The following SLC7A7 variants were observed in gnomAD, a reference collection of about 807,000 sequenced individuals.
The protein encoded by SLC7A7 is solute carrier family 7 member 7, also known as Y+L amino acid transporter 1.
A neutral mutation model predicts 47.9 loss-of-function variants in SLC7A7; 39 were observed. The ratio of observed to expected loss-of-function variants is 0.81; its 90% CI spans 0.63 to 1.06. The LOEUF is 1.06. Among genes scored for constraint, SLC7A7 ranks in the 50% least tolerant of loss-of-function variants. The pLI is 0.00. For synonymous variants in SLC7A7, 234 were observed against 242.8 expected, an observed-to-expected ratio of 0.96 and a Z score of 0.34; for missense variants, 588 against 632.0, an observed-to-expected ratio of 0.93 and a Z score of 0.75.
At chr14:22,781,245 C>CT (rs1310899735) in intron 2 of SLC7A7, among the ~76,000 whole-genome samples, 2 of 152,186 alleles carry the variant, frequency 1.3e-5, no homozygotes, top group African/African-American at 2.4e-5. Flanking sequence ...GAAACACCCT[C>CT]TGAGTTCTCC....
intron 4 of SLC7A7, among the ~76,000 whole-genome samples, chr14:22,776,980 CA>C (rs34004476): frequency 4.2e-4 from 59 of 139,766 alleles, no homozygotes; most frequent in South Asian, 1.1e-3. Context: ...AAAAACAAAC[CA>C]AAAAAAAAAA....
rs570542126 is a variant in SLC7A7 at position 22,812,515 on chromosome 14, G to T, written c.499+385C>A. 2.6e-5 allele frequency among the ~76,000 whole-genome samples: 4 copies of T among 151,518 alleles called. No individual in the cohort carries two copies. In the East Asian group the frequency reaches 7.8e-4, roughly 29 times the overall value. On this transcript the variant is annotated intron_variant, in intron 2 of 9. Transcript: ENST00000674313. ...AAGAAAAAAAAATCAGTGTGCCTGT[G>T]GTCCCTGCTACTCAGGAGGCTGAGG...
rs2038694026 is a variant in SLC7A7 at position 22,780,195 on chromosome 14, C to A, written c.500-144G>T. On this transcript the variant is annotated intron_variant, in intron 2 of 9. Coordinates refer to ENST00000674313, the MANE Select transcript of SLC7A7 (RefSeq NM_003982.4). ...CCCTCTGACCTGCTCTGCACTGGAA[C>A]CCTCGGGGCCCCAGAATGTCCTCAC... is the stretch of plus-strand genomic sequence containing the variant. 3.7e-6 allele frequency: 4 copies of A among 1,091,888 alleles called. No homozygotes were observed. The Admixed American group carries it at 6.3e-5, about 17-fold the overall frequency. The allele number at this position is 1,091,888 out of a possible 1,614,324, so 67.6% of individuals were successfully genotyped here.
rs112731447 is a variant in SLC7A7 at position 22,776,456 on chromosome 14, T to G, written c.771-138A>C. ...CTACATTTCCTCAATGCATTTGTCT[T>G]TGACGGTGCCCTGGATAGTGGCTGA... On this transcript the variant is annotated intron_variant, in intron 4 of 9. Coordinates refer to ENST00000674313, the MANE Select transcript of SLC7A7 (RefSeq NM_003982.4). 3.0e-3 allele frequency: 3,415 copies of G among 1,122,980 alleles called. 69 individuals are homozygous for G. In the African/African-American group the frequency reaches 0.046, roughly 15 times the overall value. The allele number at this position is 1,122,980 out of a possible 1,614,324, so 69.6% of individuals were successfully genotyped here.
intron 2 of SLC7A7, among the ~76,000 whole-genome samples, chr14:22,781,057 G>A (rs184473473): frequency 9.2e-5 from 14 of 152,226 alleles, no homozygotes; most frequent in Admixed American, 2.6e-4. Flanking sequence ...GTAGCATAGC[G>A]AATCGCTTCA....
intron 2 of SLC7A7, among the ~76,000 whole-genome samples, chr14:22,789,001 GTATAT>G (rs1250498002): frequency 2.6e-5 from 4 of 152,122 alleles, no homozygotes; most frequent in African/African-American, 9.7e-5. Context: ...TGTTCCTTCT[GTATAT>G]TATATTTGAA....
upstream of SLC7A7, among the ~76,000 whole-genome samples, chr14:22,818,772 T>G (rs1317705231): frequency 6.6e-6 from 1 of 151,742 alleles, no homozygotes; most frequent in African/African-American, 2.4e-5. Flanking sequence ...TTTTGTATTT[T>G]TAGTAGAGAT....
At chr14:22,810,060 A>G in intron 2 of SLC7A7, among the ~76,000 whole-genome samples, 1 of 138,108 alleles carries the variant, frequency 7.2e-6, no homozygotes. Flanking sequence ...AAAAAAAAAA[A>G]AAAGCAGCAA....
rs1225308034 is a variant in SLC7A7, at chr14:22,778,815, C to T, written c.748G>A (p.Glu250Lys). 2 of 1,614,076 alleles carry T rather than the reference C, an allele frequency of 1.2e-6. No homozygotes were observed. Among genetic ancestry groups the T allele is most frequent in the Non-Finnish European group, 1.7e-6 (2 of 1,180,054 alleles). The change falls in exon 4 of 10, where the codon GAA becomes AAA. Residue 250 changes from glutamate to lysine, a missense_variant. Transcript: ENST00000674313. ...SGWDTLNYVT[E>K]EIKNPERNLP... ...TACCTCTCAGGATTCTTGATCTCTT[C>T]AGTGACATAGTTGAGGGTGTCCCAG...
At chr14:22,786,526 C>A (rs2038820320) in intron 2 of SLC7A7, among the ~76,000 whole-genome samples, 1 of 152,174 alleles carries the variant, frequency 6.6e-6, no homozygotes, top group African/African-American at 2.4e-5. Flanking sequence ...CAGAAAACTC[C>A]AGACCGTGTT....
Position 22,812,969 on chromosome 14 carries a change from C to G in SLC7A7, c.430G>C (p.Val144Leu). 6.2e-7 allele frequency: 1 copy of G among 1,613,872 alleles called. No homozygotes were observed. The change falls in exon 2 of 10, where the codon GTA (valine) becomes CTA (leucine). Residue 144 changes from valine to leucine, a missense_variant. Val to Leu is a conservative substitution (Grantham distance 32, BLOSUM62 1). Coordinates refer to ENST00000674313, the MANE Select transcript of SLC7A7 (RefSeq NM_003982.4). ...AAGCAGCTCGGGAAGAGAGGCTGTACCATGTAGTTGGCAAAGGTGATGGCA... is the reference window on the plus strand; with the variant it reads ...AAGCAGCTCGGGAAGAGAGGCTGTAGCATGTAGTTGGCAAAGGTGATGGCA... ...IIAITFANYM[V>L]QPLFPSCFAP...
At chr14:22,783,251 C>T (rs1351297104) in intron 2 of SLC7A7, among the ~76,000 whole-genome samples, 1 of 151,246 alleles carries the variant, frequency 6.6e-6, no homozygotes, top group Non-Finnish European at 1.5e-5. Flanking sequence ...TTTTTAGAGA[C>T]GGGGTCTTGC....
intron 2 of SLC7A7, among the ~76,000 whole-genome samples, chr14:22,806,019 T>C (rs2039196588): frequency 6.8e-6 from 1 of 147,044 alleles, no homozygotes; most frequent in African/African-American, 2.5e-5. Flanking sequence ...CAGGAGCCTG[T>C]AATCCCAGCC....
At position 22,799,814 on chromosome 14, in the gene SLC7A7, C is replaced by G. The variant is rs184723425; in HGVS notation, c.499+13086G>C. Among the ~76,000 whole-genome samples, 80 of 152,120 alleles carry G rather than the reference C, an allele frequency of 5.3e-4. 1 individual carries two copies. Among genetic ancestry groups the G allele is most frequent in the African/African-American group, 1.8e-3 (75 of 41,502 alleles). ...TGACTCCCAAAAGTATATCATCAGC[C>G]CAACTGTCATGATTCTAGATATATA... On this transcript the variant is annotated intron_variant, in intron 2 of 9. Coordinates refer to ENST00000674313, the MANE Select transcript of SLC7A7 (RefSeq NM_003982.4).
chr14:22,773,984 TGAG>T lies in SLC7A7; in HGVS notation c.1375_1377del (p.Leu459del), dbSNP rs762662618. 2.5e-6 allele frequency: 4 copies of T among 1,614,048 alleles called. No individual in the cohort carries two copies. Among genetic ancestry groups the T allele is most frequent in the Non-Finnish European group, 3.4e-6 (4 of 1,179,998 alleles). Reference sequence around the variant, plus strand: ...CGCTTATGTTCTGGCACTCTGATGATGAGGAAGTAAAAGGGCAGGCCTGAGAGG... The same window carrying T: ...CGCTTATGTTCTGGCACTCTGATGATGAAGTAAAAGGGCAGGCCTGAGAGG... On this transcript the variant is annotated inframe_deletion, in exon 9 of 10. Transcript: ENST00000674313.
At chr14:22,777,845 G>A (rs1033986752) in intron 4 of SLC7A7, among the ~76,000 whole-genome samples, 5 of 152,178 alleles carry the variant, frequency 3.3e-5, no homozygotes, top group South Asian at 2.1e-4. Flanking sequence ...AGGCTAAGGC[G>A]GGCGGATCAC....
chr14:22,792,312 C>T (rs1189555373), intron 2 of SLC7A7, among the ~76,000 whole-genome samples: 1 of 152,120 alleles, frequency 6.6e-6, no homozygotes, highest in African/African-American at 2.4e-5. Context: ...CCTATAATCC[C>T]AGCACTTTGG....
intron 2 of SLC7A7, chr14:22,780,434 G>T: frequency 3.6e-6 from 1 of 278,792 alleles, no homozygotes; most frequent in Non-Finnish European, 7.0e-6. Context: ...CATTCCCCAT[G>T]GGCTCCAGGA....
chr14:22,798,247 A>C (rs1250400802), intron 2 of SLC7A7, among the ~76,000 whole-genome samples: 3 of 152,108 alleles, frequency 2.0e-5, no homozygotes, highest in African/African-American at 7.2e-5. Context: ...CAGTAAACTG[A>C]GATTACGCCA....
Sources: gnomAD v4.1 joint callset for allele counts (sites outside exome capture counted in the v4.1 genomes callset) on GRCh38, gnomAD v4.1.1 for gene constraint, MANE v1.5 for transcripts, NCBI Gene and HGNC (gene_info 2026-07-23, HGNC 2026-07-21) for gene names.